DNM3: variants seen among roughly 807,000 people sequenced by gnomAD.
The protein encoded by DNM3 is dynamin-3.
Under a neutral mutation model 101.6 loss-of-function variants are expected in DNM3, and 47 were observed. That is an observed-to-expected ratio of 0.46 (90% CI 0.37 to 0.59). The LOEUF (loss-of-function observed/expected upper bound fraction) is 0.59, where lower values mean the gene tolerates loss of function less well. Ranked by LOEUF, DNM3 falls within the 20% of genes least tolerant of loss-of-function variation. The probability of loss-of-function intolerance (pLI) is 0.00; values close to 1 mark genes in which losing one functional copy is unlikely to be tolerated. For missense variants in DNM3, 849 were observed against 1,085.7 expected (o/e 0.78, Z 3.06); for synonymous variants, 385 against 387.9 (o/e 0.99, Z 0.09).
chr1:172,019,183 T>G (rs1319608506), intron 4 of DNM3, among the ~76,000 whole-genome samples: 4 of 151,500 alleles, frequency 2.6e-5, no homozygotes, highest in African/African-American at 4.8e-5. Flanking sequence ...TCTTTATCCT[T>G]CCTTCCTTCC....
intron 2 of DNM3, among the ~76,000 whole-genome samples, chr1:171,941,361 G>C (rs922573216): frequency 2.0e-5 from 3 of 152,158 alleles, no homozygotes; most frequent in Non-Finnish European, 4.4e-5. Context: ...TTAATGCTTA[G>C]CCAAATCCTT....
At chr1:171,965,591 A>G (rs2043528746) in intron 2 of DNM3, among the ~76,000 whole-genome samples, 1 of 151,826 alleles carries the variant, frequency 6.6e-6, no homozygotes, top group African/African-American at 2.4e-5. Flanking sequence ...TGGATATTAT[A>G]AAGGATACAG....
At chr1:171,920,739 C>T (rs1447027078) in intron 1 of DNM3, among the ~76,000 whole-genome samples, 3 of 152,280 alleles carry the variant, frequency 2.0e-5, no homozygotes, top group South Asian at 2.1e-4. Flanking sequence ...GTAGTACTAT[C>T]TTTGCTGCAG....
chr1:172,354,367 C>T (rs1490855121), intron 17 of DNM3, among the ~76,000 whole-genome samples: 3 of 152,018 alleles, frequency 2.0e-5, no homozygotes, highest in Non-Finnish European at 2.9e-5. Context: ...CAGATTGAAT[C>T]CTGGTTTATC....
intron 1 of DNM3, among the ~76,000 whole-genome samples, chr1:171,908,307 A>G (rs2038996233): frequency 7.0e-6 from 1 of 142,134 alleles, no homozygotes; most frequent in Admixed American, 7.4e-5. Flanking sequence ...AGTCACTTAT[A>G]CTTTTGAGTT....
intron 1 of DNM3, among the ~76,000 whole-genome samples, chr1:171,900,944 T>TAAA (rs11464977): frequency 6.9e-6 from 1 of 143,902 alleles, no homozygotes; most frequent in African/African-American, 2.6e-5. Context: ...CAGTCTCTAC[T>TAAA]AAAAAAAAAA....
chr1:171,891,051 T>C (rs1197726274), intron 1 of DNM3, among the ~76,000 whole-genome samples: 1 of 152,186 alleles, frequency 6.6e-6, no homozygotes, highest in African/African-American at 2.4e-5. Flanking sequence ...AATCTTCTCA[T>C]ATAATTGACT....
At chr1:171,995,201 G>A (rs1173327210) in intron 4 of DNM3, among the ~76,000 whole-genome samples, 1 of 145,620 alleles carries the variant, frequency 6.9e-6, no homozygotes, top group Non-Finnish European at 1.5e-5. Flanking sequence ...TGCCTCCTGG[G>A]TTCAAGTGAT....
intron 17 of DNM3, among the ~76,000 whole-genome samples, chr1:172,349,964 A>G (rs1413935645): frequency 1.3e-5 from 2 of 152,200 alleles, no homozygotes; most frequent in Non-Finnish European, 2.9e-5. Context: ...TAAGGCCAGA[A>G]GAAGCAGAAG....
chr1:172,045,843 C>T (rs1183929341), intron 9 of DNM3, among the ~76,000 whole-genome samples: 1 of 152,202 alleles, frequency 6.6e-6, no homozygotes, highest in Non-Finnish European at 1.5e-5. Flanking sequence ...GTGCTGGGAA[C>T]AGGCCCTGAG....
chr1:172,115,564 C>T (rs1362198313), intron 13 of DNM3, among the ~76,000 whole-genome samples: 1 of 152,184 alleles, frequency 6.6e-6, no homozygotes, highest in African/African-American at 2.4e-5. Context: ...CCTCTCTGAT[C>T]CAAGTTCCTA....
In DNM3 at chr1:172,087,429, C is replaced by A. The variant is rs935954332; in HGVS notation, c.1494-5395C>A. Among the ~76,000 whole-genome samples the A allele has an allele frequency of 3.3e-5, 5 of 152,168 alleles. No individual in the cohort carries two copies. In the East Asian group the frequency reaches 9.6e-4, roughly 29 times the overall value. ...TAGATCTTCATTTCAAGACTTTTCA[C>A]TGGACTATGTACCATATTCAGATGT... On this transcript the variant is annotated intron_variant, in intron 12 of 20. Transcript: ENST00000627582.
intron 20 of DNM3, among the ~76,000 whole-genome samples, chr1:172,407,286 C>T (rs2070964722): frequency 6.6e-6 from 1 of 151,782 alleles, no homozygotes; most frequent in African/African-American, 2.4e-5. Flanking sequence ...TTTTAGTGCT[C>T]TGTAAATTAC....
At chr1:172,028,115 AT>A (rs2048341319) in intron 4 of DNM3, among the ~76,000 whole-genome samples, 3 of 152,130 alleles carry the variant, frequency 2.0e-5, no homozygotes, top group African/African-American at 7.2e-5. Context: ...CAGAATATAC[AT>A]TTTTCTCAGC....
chr1:172,120,540 C>T (rs957506585), intron 13 of DNM3, among the ~76,000 whole-genome samples: 2 of 152,200 alleles, frequency 1.3e-5, no homozygotes, highest in African/African-American at 4.8e-5. Context: ...AATTACATGA[C>T]TAAGTGTTGT....
chr1:171,963,104 A>G (rs1228134080), intron 2 of DNM3, among the ~76,000 whole-genome samples: 2 of 152,280 alleles, frequency 1.3e-5, no homozygotes, highest in East Asian at 3.9e-4. Flanking sequence ...TCACAGCTGT[A>G]TTCATAATTG....
chr1:172,382,631 C>CT (rs1488441233), intron 18 of DNM3, among the ~76,000 whole-genome samples: 1 of 152,138 alleles, frequency 6.6e-6, no homozygotes, highest in Non-Finnish European at 1.5e-5. Context: ...TTAGGAAACT[C>CT]TAAGTCAGCC....
At chr1:172,384,324 C>G (rs1203443618) in intron 18 of DNM3, among the ~76,000 whole-genome samples, 1 of 152,182 alleles carries the variant, frequency 6.6e-6, no homozygotes, top group African/African-American at 2.4e-5. Flanking sequence ...TCTCGATGTA[C>G]CTAATGCCAA....
intron 20 of DNM3, chr1:172,393,507 G>A (rs569686688): frequency 3.3e-5 from 5 of 152,676 alleles, no homozygotes; most frequent in East Asian, 1.9e-4. Context: ...AAGGGTACAC[G>A]GACAATTAAG....
Sources: gnomAD v4.1 joint callset for allele counts (sites outside exome capture counted in the v4.1 genomes callset) on GRCh38, gnomAD v4.1.1 for gene constraint, MANE v1.5 for transcripts, NCBI Gene and HGNC (gene_info 2026-07-23, HGNC 2026-07-21) for gene names.